Variants in CNBD1 observed in about 807,000 individuals in gnomAD.
CNBD1 encodes cyclic nucleotide-binding domain-containing protein 1.
In CNBD1, 71 loss-of-function variants were observed where a neutral mutation model predicts 54.4. The ratio of observed to expected loss-of-function variants is 1.30; its 90% CI spans 1.08 to 1.59. The LOEUF (loss-of-function observed/expected upper bound fraction) is 1.59, where lower values mean the gene tolerates loss of function less well. CNBD1 is among the 40% of genes most tolerant of loss of function. The pLI, the probability that CNBD1 is intolerant of heterozygous loss-of-function variation, is 0.00. For synonymous variants in CNBD1, 182 were observed against 170.7 expected, an observed-to-expected ratio of 1.07 and a Z score of -0.51; for missense variants, 659 against 518.0, an observed-to-expected ratio of 1.27 and a Z score of -2.64.
intron 4 of CNBD1, among the ~76,000 whole-genome samples, chr8:87,066,089 G>A (rs967899223): frequency 7.2e-5 from 11 of 152,010 alleles, no homozygotes; most frequent in Admixed American, 5.2e-4. Flanking sequence ...CAGCATGACA[G>A]TGATTTAAAT....
chr8:86,957,291 T>C (rs537253769), intron 4 of CNBD1, among the ~76,000 whole-genome samples: 2 of 152,160 alleles, frequency 1.3e-5, no homozygotes, highest in Admixed American at 1.3e-4. Context: ...AAAATTATGT[T>C]TTTTTTGTTG....
intron 10 of CNBD1, among the ~76,000 whole-genome samples, chr8:87,365,007 C>A (rs1471686683): frequency 1.3e-5 from 2 of 151,986 alleles, no homozygotes; most frequent in East Asian, 3.9e-4. Flanking sequence ...GGTATATACC[C>A]AGTGGTGAGA....
intron 8 of CNBD1, among the ~76,000 whole-genome samples, chr8:87,317,251 T>C (rs1383057868): frequency 6.6e-6 from 1 of 151,752 alleles, no homozygotes; most frequent in Non-Finnish European, 1.5e-5. Flanking sequence ...TAATTCACTC[T>C]TATAGTAGCT....
chr8:87,180,902 C>T (rs1813298295), intron 4 of CNBD1, among the ~76,000 whole-genome samples: 1 of 152,150 alleles, frequency 6.6e-6, no homozygotes, highest in African/African-American at 2.4e-5. Flanking sequence ...ATTTTATTTG[C>T]TGTAAACAAG....
chr8:87,089,582 G>C (rs1246977969), intron 4 of CNBD1, among the ~76,000 whole-genome samples: 1 of 152,056 alleles, frequency 6.6e-6, no homozygotes, highest in African/African-American at 2.4e-5. Flanking sequence ...AGGAAGGTTG[G>C]AAGACGGAAG....
chr8:87,044,999 C>T (rs933001581), intron 4 of CNBD1, among the ~76,000 whole-genome samples: 2 of 152,096 alleles, frequency 1.3e-5, no homozygotes, highest in Admixed American at 6.6e-5. Flanking sequence ...CCTCATTACC[C>T]CCCACTTCAG....
intron 4 of CNBD1, among the ~76,000 whole-genome samples, chr8:86,959,181 C>G (rs922980023): frequency 1.3e-5 from 2 of 152,226 alleles, no homozygotes; most frequent in Non-Finnish European, 2.9e-5. Context: ...TTGGCCTCCA[C>G]TCTCTTATGG....
At chr8:87,155,046 G>A (rs1194715262) in intron 4 of CNBD1, among the ~76,000 whole-genome samples, 1 of 152,266 alleles carries the variant, frequency 6.6e-6, no homozygotes, top group East Asian at 1.9e-4. Context: ...ATTTGCTCTA[G>A]TTCAGCACCA....
intron 3 of CNBD1, among the ~76,000 whole-genome samples, chr8:86,911,649 G>A (rs1364641270): frequency 2.0e-5 from 3 of 152,036 alleles, no homozygotes; most frequent in African/African-American, 7.2e-5. Flanking sequence ...ATTGCTTACT[G>A]TAGTCACAAA....
chr8:87,271,093 G>A lies in CNBD1; in HGVS notation c.772-13585G>A, dbSNP rs78662877. On this transcript the variant is annotated intron_variant, in intron 6 of 10. Transcript: ENST00000518476. ...TTGTAATTCTCTCTAATGATTCTCT[G>A]TATCTCTGTGATCTCAGTTGTTATG... is the stretch of plus-strand genomic sequence containing the variant. 6.8e-3 allele frequency among the ~76,000 whole-genome samples: 1,036 copies of A among 151,650 alleles called. 7 individuals are homozygous for A. Among genetic ancestry groups the A allele is most frequent in the Middle Eastern group, 0.02 (6 of 294 alleles).
chr8:87,041,967 G>A (rs758215877), intron 4 of CNBD1, among the ~76,000 whole-genome samples: 2 of 152,142 alleles, frequency 1.3e-5, no homozygotes, highest in Non-Finnish European at 2.9e-5. Context: ...GGAGAGTGAT[G>A]ACGAAGGTGA....
chr8:87,360,009 AAAAAT>A (rs1482362988), intron 10 of CNBD1, among the ~76,000 whole-genome samples: 1 of 152,066 alleles, frequency 6.6e-6, no homozygotes, highest in Non-Finnish European at 1.5e-5. Flanking sequence ...GTATTACTGA[AAAAAT>A]AAATTAATGC....
chr8:87,419,929 C>A (rs1807899897), intron 2 of CNBD1, among the ~76,000 whole-genome samples: 1 of 148,886 alleles, frequency 6.7e-6, no homozygotes, highest in Non-Finnish European at 1.5e-5. Context: ...AAATTACTGG[C>A]CAACCTCATT....
chr8:86,963,094 T>C (rs1231736828), intron 4 of CNBD1, among the ~76,000 whole-genome samples: 1 of 152,128 alleles, frequency 6.6e-6, no homozygotes, highest in Non-Finnish European at 1.5e-5. Context: ...CCGGGGTATG[T>C]GACAGGGAGA....
At chr8:87,358,945 G>T (rs908881600) in intron 10 of CNBD1, among the ~76,000 whole-genome samples, 1 of 152,128 alleles carries the variant, frequency 6.6e-6, no homozygotes, top group Admixed American at 6.6e-5. Context: ...AATGGATTAG[G>T]TGTTATCTGT....
At chr8:86,928,010 C>T (rs1809392802) in intron 3 of CNBD1, among the ~76,000 whole-genome samples, 1 of 151,994 alleles carries the variant, frequency 6.6e-6, no homozygotes, top group African/African-American at 2.4e-5. Flanking sequence ...ACCTTAACTG[C>T]AGTGGAAGTA....
chr8:87,257,005 A>G (rs1446082791), intron 6 of CNBD1, among the ~76,000 whole-genome samples: 1 of 152,078 alleles, frequency 6.6e-6, no homozygotes, highest in Non-Finnish European at 1.5e-5. Context: ...ACTGTAACAT[A>G]ATAATCTACT....
intron 2 of CNBD1, among the ~76,000 whole-genome samples, chr8:86,888,895 C>A (rs560303573): frequency 6.6e-4 from 101 of 152,114 alleles, no homozygotes; most frequent in Non-Finnish European, 1.1e-3. Context: ...AATAAGAGAG[C>A]TTGAATCATC....
chr8:86,903,968 A>C (rs1005888515), intron 2 of CNBD1, among the ~76,000 whole-genome samples: 2 of 152,076 alleles, frequency 1.3e-5, no homozygotes, highest in Admixed American at 6.5e-5. Context: ...AAGTGAATAA[A>C]AATGCCTAAT....
Sources: allele counts gnomAD v4.1 joint callset (sites outside exome capture counted in the v4.1 genomes callset), GRCh38; gene constraint gnomAD v4.1.1; transcripts MANE v1.5; gene names NCBI Gene and HGNC (gene_info 2026-07-23, HGNC 2026-07-21).